The following ZNF462 variants were observed in gnomAD, a reference collection of about 807,000 sequenced individuals.
ZNF462 encodes zinc finger protein 462.
Under a neutral mutation model 201.9 loss-of-function variants are expected in ZNF462, and 10 were observed. That is an observed-to-expected ratio of 0.05 (90% CI 0.03 to 0.08). The LOEUF (loss-of-function observed/expected upper bound fraction) is 0.08, where lower values mean the gene tolerates loss of function less well. Ranked by LOEUF, ZNF462 falls within the 10% of genes least tolerant of loss-of-function variation. The pLI, the probability that ZNF462 is intolerant of heterozygous loss-of-function variation, is 1.00. For synonymous variants in ZNF462, 1,227 were observed against 1,193.3 expected (o/e 1.03, Z -0.58); for missense variants, 2,523 against 3,168.3 (o/e 0.80, Z 4.89).
chr9:106,866,080 G>A lies in ZNF462; in HGVS notation c.-31+2725G>A, dbSNP rs573188742. On this transcript the variant is annotated intron_variant, in intron 1 of 12. Transcript: ENST00000277225. Reference sequence around the variant, plus strand: ...GGGCTCCACGGTGGAATGAAAACTTGGAGGAGATTCAGAACCAGTTAATAT... The same window carrying A: ...GGGCTCCACGGTGGAATGAAAACTTAGAGGAGATTCAGAACCAGTTAATAT... Among the ~76,000 whole-genome samples, 10 of 152,284 alleles carry A rather than the reference G, an allele frequency of 6.6e-5. No individual in the cohort carries two copies. In the South Asian group the frequency reaches 2.1e-3, roughly 32 times the overall value.
At chr9:106,862,816 CT>C (rs1827113155), upstream of ZNF462, among the ~76,000 whole-genome samples, 1 of 152,138 alleles carries the variant, frequency 6.6e-6, no homozygotes. The surrounding 1 kb of genome is among the most constrained non-coding windows in gnomAD (Gnocchi z 4.2). Flanking sequence ...CTTTTTTCCC[CT>C]AGCCTTTTTC....
rs1829742384 is a variant in ZNF462, at chr9:107,008,819, G to A, written c.7190-726G>A. ...TGTTTACAACAGACCGTCCAGAAAT[G>A]TCTGCATATCCCCGTATTCATGAAT... On this transcript the variant is annotated intron_variant, in intron 11 of 12. Transcript: ENST00000277225. This position sits in a 1 kb window ranked among gnomAD's most constrained non-coding sequence, Gnocchi z 4.8. Among the ~76,000 whole-genome samples, 1 of 152,202 alleles carries A rather than the reference G, an allele frequency of 6.6e-6. No individual in the cohort carries two copies. The highest frequency in any genetic ancestry group is 1.5e-5 in the Non-Finnish European group (1 of 68,034).
rs1831954795 is a variant in ZNF462 at position 106,963,944 on chromosome 9, G to T, written c.6428-8061G>T. 1.3e-5 allele frequency among the ~76,000 whole-genome samples: 2 copies of T among 151,644 alleles called. No homozygotes were observed. Among genetic ancestry groups the T allele is most frequent in the Admixed American group, 1.3e-4 (2 of 15,208 alleles). On this transcript the variant is annotated intron_variant, in intron 7 of 12. Transcript: ENST00000277225. The surrounding 1 kb of genome is among the most constrained non-coding windows in gnomAD (Gnocchi z 4.7). ...ATGGAAGTGGCATCGTGCAGTATTTGTCCCTCTGTGACTGGCTTTAGCATA... is the reference window on the plus strand; with the variant it reads ...ATGGAAGTGGCATCGTGCAGTATTTTTCCCTCTGTGACTGGCTTTAGCATA...
Position 107,003,187 on chromosome 9 carries a change from G to A in ZNF462, c.7057-107G>A. ...GCCCCGGAGTTGTTTGGTCCTGGTT[G>A]CAAAACCACAGTCACAGGAAAATGA... On this transcript the variant is annotated intron_variant, in intron 10 of 12. Coordinates refer to ENST00000277225, the MANE Select transcript of ZNF462 (RefSeq NM_021224.6). The surrounding 1 kb of genome is among the most constrained non-coding windows in gnomAD (Gnocchi z 4.4). 6.7e-6 allele frequency: 10 copies of A among 1,494,918 alleles called. No individual in the cohort carries two copies. The highest frequency in any genetic ancestry group is 8.1e-6 in the Non-Finnish European group (9 of 1,113,012). 92.6% of individuals were successfully genotyped at this position (1,494,918 alleles called of 1,614,324 possible). A position where few individuals can be genotyped will look rare whatever the true frequency, so the allele number is the denominator to read the frequency against.
intron 1 of ZNF462, among the ~76,000 whole-genome samples, chr9:106,881,226 T>A (rs1828081640): frequency 6.6e-6 from 1 of 152,114 alleles, no homozygotes; most frequent in Admixed American, 6.6e-5. Context: ...GCTTGGAGAT[T>A]ATTATGTTGG....
chr9:106,997,104 T>G (rs1472796662), intron 10 of ZNF462, among the ~76,000 whole-genome samples: 1 of 151,092 alleles, frequency 6.6e-6, no homozygotes, highest in East Asian at 1.9e-4. Flanking sequence ...ATATCTTTTC[T>G]TTCTTTCCCC....
rs531148728 is a variant in ZNF462 at position 106,991,838 on chromosome 9, CTACACACA to C, written c.7056+7430_7056+7437del. On this transcript the variant is annotated intron_variant, in intron 10 of 12. Coordinates refer to ENST00000277225, the MANE Select transcript of ZNF462 (RefSeq NM_021224.6). ...TGACCCTTGACCTTTACAGCACTCTCTACACACACACACACACACACACACACACACAC... is the reference window on the plus strand; with the variant it reads ...TGACCCTTGACCTTTACAGCACTCTCCACACACACACACACACACACACAC... Among the ~76,000 whole-genome samples the C allele has an allele frequency of 8.1e-3, 1,042 of 128,226 alleles. 9 individuals carry two copies. The highest frequency in any genetic ancestry group is 0.029 in the African/African-American group (973 of 33,094). The allele number at this position is 128,226 out of a possible 152,430, so 84.1% of individuals were successfully genotyped here.
At chr9:107,007,257 G>A (rs943888387) in intron 11 of ZNF462, among the ~76,000 whole-genome samples, 3 of 152,146 alleles carry the variant, frequency 2.0e-5, no homozygotes. Context: ...AAAAAGAAAA[G>A]GAAAGAAAGA....
Position 106,939,100 on chromosome 9 carries a change from C to G in ZNF462, c.6420C>G (p.Asp2140Glu). ...CTACCCCGGCTGAAGAAGTGGAAGA[C>G]TCCAATGGTAAAAATGGGCTTCCAA... ...QKATPAEEVE[D>E]SNDSSYSEPP... is the part of the protein sequence containing the mutation. Residue 2140 changes from aspartate (D) to glutamate (E), a missense_variant, in exon 7 of 13, where the codon GAC becomes GAG. By Grantham distance (45) the Asp-to-Glu change is conservative. Around this residue, in one of 15 missense-constraint regions of ZNF462, gnomAD observed 138 missense variants for 146.3 expected, o/e 0.94. Transcript: ENST00000277225. 6.3e-7 allele frequency: 1 copy of G among 1,595,320 alleles called. No individual in the cohort carries two copies.
At chr9:106,951,948 G>T (rs967221907) in intron 7 of ZNF462, among the ~76,000 whole-genome samples, 3 of 151,680 alleles carry the variant, frequency 2.0e-5, no homozygotes, top group Non-Finnish European at 4.4e-5. Context: ...TTTTGATTGA[G>T]CACATACCAG....
chr9:106,909,406 T>C lies in ZNF462; in HGVS notation c.-30-13948T>C, dbSNP rs547527670. Among the ~76,000 whole-genome samples, 6 of 152,262 alleles carry C rather than the reference T, an allele frequency of 3.9e-5. 1 individual carries two copies. The highest frequency in any genetic ancestry group is 1.4e-4 in the African/African-American group (6 of 41,578). On this transcript the variant is annotated intron_variant, in intron 1 of 12. Transcript: ENST00000277225. ...TTATAATTTTATTTTGTAAGTATTA[T>C]CAATTATTCAATTTTAGTTCTAAAT...
intron 10 of ZNF462, among the ~76,000 whole-genome samples, chr9:107,002,960 CA>C (rs375087724): frequency 1.3e-5 from 2 of 151,868 alleles, no homozygotes; most frequent in African/African-American, 2.4e-5. Context: ...AATTCAACTA[CA>C]AAAAAAATGT....
chr9:106,922,833 C>G (rs1373773314), intron 1 of ZNF462, among the ~76,000 whole-genome samples: 1 of 152,182 alleles, frequency 6.6e-6, no homozygotes, highest in Non-Finnish European at 1.5e-5. Context: ...TAAAAATGCT[C>G]TACCTCCACC....
At chr9:106,961,463 A>AG (rs896201246) in intron 7 of ZNF462, among the ~76,000 whole-genome samples, 2 of 152,018 alleles carry the variant, frequency 1.3e-5, no homozygotes, top group African/African-American at 4.8e-5. Context: ...ATCCAAAGAG[A>AG]GAGTAGCATT....
rs749191309 is a variant in ZNF462 at position 107,009,591 on chromosome 9, G to A, written c.7236G>A (p.Lys2412=). 22 of 1,613,926 alleles carry A rather than the reference G, an allele frequency of 1.4e-5. No individual in the cohort carries two copies. Among genetic ancestry groups the A allele is most frequent in the African/African-American group, 2.7e-5 (2 of 74,922 alleles). ...SDHGAALNTE[K]RFPCEFCGRA... is the part of the protein sequence containing the mutation. Reference sequence around the variant, plus strand: ...ACGGGGCTGCTCTTAACACTGAGAAGCGTTTTCCATGTGAATTTTGTGGAC... The same window carrying A: ...ACGGGGCTGCTCTTAACACTGAGAAACGTTTTCCATGTGAATTTTGTGGAC... Residue 2412 remains lysine (K), a synonymous_variant, in exon 12 of 13, where the codon AAG becomes AAA. Coordinates refer to ENST00000277225, the MANE Select transcript of ZNF462 (RefSeq NM_021224.6). This position sits in a 1 kb window ranked among gnomAD's most constrained non-coding sequence, Gnocchi z 6.1.
intron 11 of ZNF462, among the ~76,000 whole-genome samples, chr9:107,004,468 C>T (rs887145748): frequency 1.3e-5 from 2 of 152,124 alleles, no homozygotes; most frequent in Non-Finnish European, 2.9e-5. Flanking sequence ...TTTCCTTGTA[C>T]ATTCATCATC....
At position 106,954,958 on chromosome 9, in the gene ZNF462, G is replaced by A. The variant is rs1163208982; in HGVS notation, c.6427+15851G>A. Among the ~76,000 whole-genome samples the A allele has an allele frequency of 6.6e-6, 1 of 152,132 alleles. No homozygotes were observed. The highest frequency in any genetic ancestry group is 2.4e-5 in the African/African-American group (1 of 41,436). On this transcript the variant is annotated intron_variant, in intron 7 of 12. Transcript: ENST00000277225. This position sits in a 1 kb window ranked among gnomAD's most constrained non-coding sequence, Gnocchi z 4.0. ...TCCTGTAAATGTAAAATGAAAATTT[G>A]TTGTGTCCTGTAAATAGTCATGGTA...
At chr9:106,864,504 T>C (rs1375745424) in intron 1 of ZNF462, among the ~76,000 whole-genome samples, 2 of 152,106 alleles carry the variant, frequency 1.3e-5, no homozygotes, top group Non-Finnish European at 2.9e-5. Context: ...CTGTCCTCCA[T>C]TTGCAAGCTG....
intron 5 of ZNF462, among the ~76,000 whole-genome samples, chr9:106,934,702 A>G (rs532628033): frequency 7.2e-5 from 11 of 152,234 alleles, no homozygotes; most frequent in Non-Finnish European, 1.3e-4. Flanking sequence ...CACATGAGGC[A>G]TTTAGAAGGG....
Sources: gnomAD v4.1 joint callset for allele counts (sites outside exome capture counted in the v4.1 genomes callset) on GRCh38, gnomAD v4.1.1 for gene constraint, gnomAD v4.1.1 regional missense constraint, Gnocchi (gnomAD v3.1) non-coding constraint, MANE v1.5 for transcripts, NCBI Gene and HGNC (gene_info 2026-07-23, HGNC 2026-07-21) for gene names.